The following ST6GAL1 variants were observed in gnomAD, a reference collection of about 807,000 sequenced individuals.
ST6GAL1 encodes the protein ST6 beta-galactoside alpha-2,6-sialyltransferase 1.
A neutral mutation model predicts 38.0 loss-of-function variants in ST6GAL1; 20 were observed. The ratio of observed to expected loss-of-function variants is 0.53; its 90% CI spans 0.37 to 0.77. ST6GAL1 has a LOEUF of 0.77. Among genes scored for constraint, ST6GAL1 ranks in the 30% least tolerant of loss-of-function variants. The pLI is 0.00. For synonymous variants in ST6GAL1, 196 were observed against 188.2 expected (o/e 1.04, Z -0.34); for missense variants, 432 against 496.4 (o/e 0.87, Z 1.23).
At chr3:186,942,787 A>G (rs1275071710) in intron 1 of ST6GAL1, among the ~76,000 whole-genome samples, 1 of 152,002 alleles carries the variant, frequency 6.6e-6, no homozygotes, top group Non-Finnish European at 1.5e-5. Context: ...CATTAGCTCC[A>G]TTTTGCAAAT....
chr3:187,011,001 C>A (rs1049844932), intron 2 of ST6GAL1, among the ~76,000 whole-genome samples: 3 of 152,196 alleles, frequency 2.0e-5, no homozygotes, highest in African/African-American at 7.2e-5. Flanking sequence ...TGTCTCTTGG[C>A]CGCCGGCTAA....
chr3:186,966,579 C>T (rs887589059), intron 2 of ST6GAL1, among the ~76,000 whole-genome samples: 7 of 152,206 alleles, frequency 4.6e-5, no homozygotes, highest in African/African-American at 7.2e-5. Context: ...CATTCCATCT[C>T]GGAAGCTCTG....
At chr3:186,987,306 T>C (rs1289387659) in intron 2 of ST6GAL1, among the ~76,000 whole-genome samples, 1 of 152,110 alleles carries the variant, frequency 6.6e-6, no homozygotes, top group Non-Finnish European at 1.5e-5. Flanking sequence ...CTTATGTCCC[T>C]GGAACTACGC....
At chr3:187,019,488 G>A (rs1455584796) in intron 2 of ST6GAL1, among the ~76,000 whole-genome samples, 2 of 152,208 alleles carry the variant, frequency 1.3e-5, no homozygotes, top group Non-Finnish European at 2.9e-5. Flanking sequence ...TATGCTGTGT[G>A]TGTTTGTGTG....
At chr3:187,004,589 G>C (rs184278439) in intron 2 of ST6GAL1, among the ~76,000 whole-genome samples, 1 of 152,156 alleles carries the variant, frequency 6.6e-6, no homozygotes, top group Non-Finnish European at 1.5e-5. Flanking sequence ...CACTAGAGTC[G>C]GGAGCGAGAA....
chr3:187,022,903 A>T (rs2108566515), intron 2 of ST6GAL1, among the ~76,000 whole-genome samples: 1 of 152,286 alleles, frequency 6.6e-6, no homozygotes, highest in South Asian at 2.1e-4. Context: ...GTATGACTTA[A>T]TCTTTGCCTT....
At chr3:186,953,826 T>A (rs536961240) in intron 1 of ST6GAL1, among the ~76,000 whole-genome samples, 245 of 144,600 alleles carry the variant, frequency 1.7e-3, no homozygotes, top group African/African-American at 4.0e-3. Flanking sequence ...TTTTTTTTTT[T>A]AATTTTATTT....
chr3:187,062,729 T>C (rs2108595759), intron 5 of ST6GAL1, among the ~76,000 whole-genome samples: 1 of 152,312 alleles, frequency 6.6e-6, no homozygotes, highest in African/African-American at 2.4e-5. Flanking sequence ...TGGTTTGTGG[T>C]GATAGTTGCA....
chr3:186,948,307 G>T (rs536382002), intron 1 of ST6GAL1, among the ~76,000 whole-genome samples: 1 of 152,320 alleles, frequency 6.6e-6, no homozygotes, highest in Non-Finnish European at 1.5e-5. Context: ...AGGGGACTTC[G>T]GTGGCCAGCT....
At chr3:186,981,629 GTCTTA>G (rs1188094144) in intron 2 of ST6GAL1, among the ~76,000 whole-genome samples, 3 of 152,080 alleles carry the variant, frequency 2.0e-5, no homozygotes, top group African/African-American at 4.8e-5. Flanking sequence ...AGCATTCCAA[GTCTTA>G]TCTTATTTTT....
intron 2 of ST6GAL1, among the ~76,000 whole-genome samples, chr3:187,014,309 C>T (rs565132735): frequency 3.2e-4 from 48 of 152,364 alleles, no homozygotes; most frequent in South Asian, 6.2e-4. Flanking sequence ...CAGCACCATT[C>T]CTCCAAACTG....
In ST6GAL1 at chr3:187,034,678, GA is replaced by G. The variant is rs566829590; in HGVS notation, c.-182-4059del. ...CCATATGATCATCTCAATAGATGCAGAAAAAGATTTTGATAAAATCCAAAAT... is the reference window on the plus strand; with the variant it reads ...CCATATGATCATCTCAATAGATGCAGAAAAGATTTTGATAAAATCCAAAAT... On this transcript the variant is annotated intron_variant, in intron 2 of 7. Coordinates refer to ENST00000169298, the MANE Select transcript of ST6GAL1 (RefSeq NM_173216.2). Among the ~76,000 whole-genome samples the G allele has an allele frequency of 4.6e-5, 7 of 152,190 alleles. No individual in the cohort carries two copies. In the South Asian group the frequency reaches 1.5e-3, roughly 32 times the overall value.
At chr3:187,054,844 TATTGATTGGAATAGTTTCAGAAGG>T (rs1346500287) in intron 5 of ST6GAL1, among the ~76,000 whole-genome samples, 1 of 152,206 alleles carries the variant, frequency 6.6e-6, no homozygotes, top group East Asian at 1.9e-4. Flanking sequence ...CCTCTTTTTG[TATTGATTGGAATAGTTTCAGAAGG>T]ATTGATACAA....
chr3:186,978,084 A>G (rs1715577115), intron 2 of ST6GAL1, among the ~76,000 whole-genome samples: 1 of 151,668 alleles, frequency 6.6e-6, no homozygotes, highest in Non-Finnish European at 1.5e-5. Flanking sequence ...GGTGGCGCAC[A>G]CCTGTAATCC....
chr3:187,048,165 G>A (rs954664950), intron 4 of ST6GAL1, among the ~76,000 whole-genome samples: 2 of 151,944 alleles, frequency 1.3e-5, no homozygotes, highest in African/African-American at 4.8e-5. Flanking sequence ...GGATGGTCTC[G>A]ATCTCCTGAC....
intron 1 of ST6GAL1, among the ~76,000 whole-genome samples, chr3:186,950,729 G>T (rs1253356767): frequency 1.3e-5 from 2 of 152,174 alleles, no homozygotes; most frequent in Non-Finnish European, 2.9e-5. Flanking sequence ...AACCGGAGAA[G>T]ACCACCTTGA....
At position 187,075,636 on chromosome 3, in the gene ST6GAL1, G is replaced by T; in HGVS notation, c.1054G>T (p.Val352Leu). ...CCTCCCATCCAAGCGCAAGACTGAC[G>T]TGTGCTACTACTACCAGAAGTTCTT... ...EFLPSKRKTDVCYYYQKFFDS... is the reference protein window; with the variant it reads ...EFLPSKRKTDLCYYYQKFFDS... The change falls in exon 8 of 8, where the codon GTG (valine) becomes TTG (leucine). Residue 352 changes from valine to leucine, a missense_variant. Transcript: ENST00000169298. This position sits in a 1 kb window ranked among gnomAD's most constrained non-coding sequence, Gnocchi z 4.1. The T allele has an allele frequency of 6.2e-7, 1 of 1,614,162 alleles. No individual in the cohort carries two copies. The highest frequency in any genetic ancestry group is 8.5e-7 in the Non-Finnish European group (1 of 1,180,022).
At chr3:186,964,142 G>A (rs1715018183) in intron 2 of ST6GAL1, 1 of 152,236 alleles carries the variant, frequency 6.6e-6, no homozygotes, top group Non-Finnish European at 1.5e-5. Flanking sequence ...ATCTTGATGG[G>A]AGTTGTATTT....
rs56004472 is a variant in ST6GAL1 at position 186,987,180 on chromosome 3, CAGGGAGGG to C, written c.-183+23268_-183+23275del. ...AGGGAGGAAGAAAGAGAAAGAGAGA[CAGGGAGGG>C]AGGGAGGGAGGGAAGGAAAGAAAAG... On this transcript the variant is annotated intron_variant, in intron 2 of 7. Coordinates refer to ENST00000169298, the MANE Select transcript of ST6GAL1 (RefSeq NM_173216.2). 9.7e-5 allele frequency among the ~76,000 whole-genome samples: 9 copies of C among 92,652 alleles called. No homozygotes were observed. The South Asian group carries it at 1.2e-3, about 13-fold the overall frequency. The allele number at this position is 92,652 out of a possible 152,430, so 60.8% of individuals were successfully genotyped here. A position where few individuals can be genotyped will look rare whatever the true frequency, so the allele number is the denominator to read the frequency against.
Sources: gnomAD v4.1 joint callset for allele counts (sites outside exome capture counted in the v4.1 genomes callset) on GRCh38, gnomAD v4.1.1 for gene constraint, Gnocchi (gnomAD v3.1) non-coding constraint, MANE v1.5 for transcripts, NCBI Gene and HGNC (gene_info 2026-07-23, HGNC 2026-07-21) for gene names.